Variants in SMC1A observed in about 807,000 individuals in gnomAD.
SMC1A encodes structural maintenance of chromosomes 1A.
SMC1A carries 4 observed loss-of-function variants against 94.5 expected under a neutral mutation model. The ratio of observed to expected loss-of-function variants is 0.04; its 90% CI spans 0.02 to 0.10. The LOEUF is 0.10. SMC1A is among the 10% of genes least tolerant of loss of function. The probability of loss-of-function intolerance (pLI) is 1.00; values close to 1 mark genes in which losing one functional copy is unlikely to be tolerated. For missense variants in SMC1A, 304 were observed against 989.0 expected (o/e 0.31, Z 9.29); for synonymous variants, 345 against 347.7 (o/e 0.99, Z 0.09).
At chrX:53,398,199 A>G (rs1041102474) in intron 16 of SMC1A, among the ~76,000 whole-genome samples, 6 of 109,589 alleles carry the variant, frequency 5.5e-5, no homozygotes, top group Admixed American at 9.9e-5. Context: ...AAAAAAAAAA[A>G]AAGATTTCAG....
chrX:53,381,524 C>A (rs1459765121), intron 22 of SMC1A, among the ~76,000 whole-genome samples: 1 of 112,124 alleles, frequency 8.9e-6, no homozygotes, highest in Non-Finnish European at 1.9e-5. Context: ...TCATCCTTTA[C>A]ATCTCCTGCT....
chrX:53,396,455 G>C lies in SMC1A; in HGVS notation c.2708+17C>G, dbSNP rs782676422. On this transcript the variant is annotated intron_variant, in intron 17 of 24. Transcript: ENST00000322213. ...GCTCTATCTACGTCCTCCCACCCCA[G>C]GCCTGAACCCACTCACTTGTTGGCG... 1 of 1,210,953 alleles carries C rather than the reference G, an allele frequency of 8.3e-7. No individual in the cohort carries two copies. The highest frequency in any genetic ancestry group is 2.2e-5 in the Admixed American group (1 of 45,950).
In SMC1A at chrX:53,380,151, G is replaced by A. The variant is rs200164151; in HGVS notation, c.3654C>T (p.Phe1218=). ...GDCVISKVLT[F]DLTKYPDANP... ...TGGCATCTGGGTACTTGGTGAGGTC[G>A]AAGGTCAGGACTTTGCTGATCACAC... The change falls in exon 25 of 25, where the codon TTC becomes TTT. Residue 1218 remains phenylalanine (F), a synonymous_variant. Transcript: ENST00000322213. The A allele has an allele frequency of 8.3e-7, 1 of 1,205,523 alleles. No homozygotes were observed. The highest frequency in any genetic ancestry group is 3.0e-5 in the East Asian group (1 of 33,706).
chrX:53,411,264 T>C (rs1260794752), intron 7 of SMC1A, among the ~76,000 whole-genome samples: 1 of 111,097 alleles, frequency 9.0e-6, no homozygotes, highest in Non-Finnish European at 1.9e-5. Flanking sequence ...GCTCAACAGA[T>C]GTGAGCTACT....
In SMC1A at chrX:53,379,899, C is replaced by T. The variant is rs2075575402; in HGVS notation, c.*204G>A. ...TCAGCTCAGCACCTCCTTTCAGAGGCCAGAATACTCCCTGTCGTTCAGGAA... is the reference window on the plus strand; with the variant it reads ...TCAGCTCAGCACCTCCTTTCAGAGGTCAGAATACTCCCTGTCGTTCAGGAA... On this transcript the variant is annotated 3_prime_UTR_variant, in exon 25 of 25. Coordinates refer to ENST00000322213, the MANE Select transcript of SMC1A (RefSeq NM_006306.4). The T allele has an allele frequency of 6.7e-6, 3 of 450,228 alleles. No individual in the cohort carries two copies. The highest frequency in any genetic ancestry group is 1.2e-5 in the Non-Finnish European group (3 of 254,739). 37.1% of individuals were successfully genotyped at this position (450,228 alleles called of 1,213,427 possible). A position where few individuals can be genotyped will look rare whatever the true frequency, so the allele number is the denominator to read the frequency against.
At chrX:53,411,949 T>C (rs2075714739) in intron 6 of SMC1A, 46 bp downstream of exon 6, 1 of 1,211,509 alleles carries the variant, frequency 8.3e-7, no homozygotes. Context: ...AGTCAGCAGA[T>C]GTCAGCCCAG....
At position 53,399,639 on chromosome X, in the gene SMC1A, A is replaced by C; in HGVS notation, c.2512T>G (p.Trp838Gly). ...TCATCTTTTTTCACTGTCTGCTCCC[A>C]CATGTGTACTTTATCTTGGTCCTCC... ...LKEDQDKVHM[W>G]EQTVKKDENE... is the part of the protein sequence containing the mutation. Residue 838 changes from tryptophan to glycine, a missense_variant, in exon 16 of 25, where the codon TGG becomes GGG. This residue lies in a region of SMC1A where 35 missense variants were observed against 95.4 expected (regional missense o/e 0.37). Transcript: ENST00000322213. 8.3e-7 allele frequency: 1 copy of C among 1,207,422 alleles called. No homozygotes were observed. Among genetic ancestry groups the C allele is most frequent in the Non-Finnish European group, 1.1e-6 (1 of 892,011 alleles).
intron 16 of SMC1A, among the ~76,000 whole-genome samples, chrX:53,397,084 C>A (rs1360942380): frequency 1.0e-4 from 11 of 108,524 alleles, no homozygotes; most frequent in Middle Eastern, 4.8e-3. Flanking sequence ...TAAACCCACA[C>A]AAACAATACT....
At chrX:53,387,009 T>A (rs1352778137) in intron 19 of SMC1A, among the ~76,000 whole-genome samples, 1 of 112,143 alleles carries the variant, frequency 8.9e-6, no homozygotes, top group Non-Finnish European at 1.9e-5. Context: ...ATATATATAT[T>A]TTTTGAGACG....
At chrX:53,409,299 C>A (rs782354080) in intron 8 of SMC1A, 30 bp from the exon 9 acceptor site, 12 of 1,191,619 alleles carry the variant, frequency 1.0e-5, no homozygotes, top group Admixed American at 2.2e-5. Context: ...AGGAGTTACT[C>A]CTGCTGGTGA....
rs2075563866 is a variant in SMC1A at position 53,377,427 on chromosome X, C to T, written c.*2676G>A. 1 of 112,300 alleles carries T rather than the reference C, an allele frequency of 8.9e-6. No individual in the cohort carries two copies. The highest frequency in any genetic ancestry group is 3.2e-5 in the African/African-American group (1 of 30,825). 9.3% of individuals were successfully genotyped at this position (112,300 alleles called of 1,213,427 possible). On this transcript the variant is annotated 3_prime_UTR_variant, in exon 25 of 25. Coordinates refer to ENST00000322213, the MANE Select transcript of SMC1A (RefSeq NM_006306.4). ...AATTTATTTTTAAAGAGCTCCACAT[C>T]CTTTGGATGTGGGGGTGCAAGCAGG...
rs1392542256 is a variant in SMC1A at position 53,374,334 on chromosome X, A to C, written c.*5769T>G. On this transcript the variant is annotated 3_prime_UTR_variant, in exon 25 of 25. Coordinates refer to ENST00000322213, the MANE Select transcript of SMC1A (RefSeq NM_006306.4). ...GTTGCTCCCTTCTCTAGTGCTTCCC[A>C]AATTGGTGACTCAACTCCTTTCTGG... The C allele has an allele frequency of 9.0e-6, 1 of 111,512 alleles. No homozygotes were observed. Among genetic ancestry groups the C allele is most frequent in the African/African-American group, 3.3e-5 (1 of 30,571 alleles). The allele number at this position is 111,512 out of a possible 1,213,427, so 9.2% of individuals were successfully genotyped here. A position where few individuals can be genotyped will look rare whatever the true frequency, so the allele number is the denominator to read the frequency against.
At position 53,413,005 on chromosome X, in the gene SMC1A, T is replaced by C; in HGVS notation, c.749A>G (p.Glu250Gly). The C allele has an allele frequency of 8.3e-7, 1 of 1,209,168 alleles. No homozygotes were observed. The highest frequency in any genetic ancestry group is 3.0e-5 in the East Asian group (1 of 33,822). ...KELASKNKEI[E>G]KDKKRMDKVE... The stretch of plus-strand genomic sequence containing the variant: ...CTTGTCCATACGCTTCTTGTCCTTC[T>C]CGATCTCCTTGTTCTTTGAGGCCAG... The change falls in exon 5 of 25, where the codon GAG becomes GGG. Residue 250 changes from glutamate (E) to glycine (G), a missense_variant. Glu to Gly is a moderately conservative substitution (Grantham distance 98, BLOSUM62 -2). Coordinates refer to ENST00000322213, the MANE Select transcript of SMC1A (RefSeq NM_006306.4).
intron 1 of SMC1A, chrX:53,421,952 C>T (rs781797425): frequency 8.3e-7 from 1 of 1,209,453 alleles, no homozygotes; most frequent in South Asian, 1.8e-5. Context: ...AAGACTGGAG[C>T]GCTGGGTCTG....
rs1356652796 is a variant in SMC1A at position 53,392,333 on chromosome X, A to G, written c.2973+2445T>C. ...AGTGAACCTGGGAGGCAGAGCTTGC[A>G]GTGAGCCGAGACCACGCCACTGCAC... On this transcript the variant is annotated intron_variant, in intron 19 of 24. Transcript: ENST00000322213. Among the ~76,000 whole-genome samples the G allele has an allele frequency of 3.7e-5, 4 of 108,631 alleles. No individual in the cohort carries two copies. In the East Asian group the frequency reaches 8.8e-4, roughly 24 times the overall value. 94.3% of individuals were successfully genotyped at this position (108,631 alleles called of 115,157 possible).
At chrX:53,422,276 G>A (rs1314415799) in intron 1 of SMC1A, among the ~76,000 whole-genome samples, 1 of 112,439 alleles carries the variant, frequency 8.9e-6, no homozygotes, top group African/African-American at 3.2e-5. Flanking sequence ...GCCGGGGCGG[G>A]GGCCGCGCAG....
chrX:53,384,399 G>A (rs953486329), intron 19 of SMC1A, among the ~76,000 whole-genome samples: 1 of 109,709 alleles, frequency 9.1e-6, no homozygotes, highest in Non-Finnish European at 1.9e-5. Context: ...AAGTAGCTGG[G>A]ACTACGGACA....
intron 9 of SMC1A, among the ~76,000 whole-genome samples, chrX:53,406,958 A>G (rs7065246): frequency 1.1e-3 from 121 of 112,265 alleles, no homozygotes; most frequent in African/African-American, 3.8e-3. Context: ...TCGGCCTCCC[A>G]AAGTGCGAGG....
chrX:53,405,757 C>G lies in SMC1A; in HGVS notation c.1731+14G>C, dbSNP rs1556889615. ...CTTGAACACTGGCCTGACCCAATCCCCAACAAGCCTCACCTCCAGGTAGTC... is the reference window on the plus strand; with the variant it reads ...CTTGAACACTGGCCTGACCCAATCCGCAACAAGCCTCACCTCCAGGTAGTC... On this transcript the variant is annotated intron_variant, in intron 10 of 24. Transcript: ENST00000322213. The G allele has an allele frequency of 8.3e-7, 1 of 1,209,914 alleles. No individual in the cohort carries two copies. The highest frequency in any genetic ancestry group is 1.1e-6 in the Non-Finnish European group (1 of 894,369).
Sources: allele counts gnomAD v4.1 joint callset (sites outside exome capture counted in the v4.1 genomes callset), GRCh38; gene constraint gnomAD v4.1.1; regional missense constraint gnomAD v4.1.1; transcripts MANE v1.5; gene names NCBI Gene and HGNC (gene_info 2026-07-23, HGNC 2026-07-21).